The following PRKCH variants were observed in gnomAD, a reference collection of about 807,000 sequenced individuals.
PRKCH encodes protein kinase C eta, also known as protein kinase C eta type.
Under a neutral mutation model 82.5 loss-of-function variants are expected in PRKCH, and 28 were observed. That is an observed-to-expected ratio of 0.34 (90% CI 0.25 to 0.47). PRKCH has a LOEUF of 0.47. Among genes scored for constraint, PRKCH ranks in the 20% least tolerant of loss-of-function variants. The pLI is 1.00. For synonymous variants in PRKCH, 322 were observed against 327.4 expected (o/e 0.98, Z 0.18); for missense variants, 705 against 881.8 (o/e 0.80, Z 2.54).
chr14:61,250,656 C>A (rs1024682770), intron 1 of PRKCH, among the ~76,000 whole-genome samples: 11 of 152,074 alleles, frequency 7.2e-5, no homozygotes, highest in Non-Finnish European at 2.9e-5. Flanking sequence ...CATGATACTG[C>A]AATGGTAGAT....
At chr14:61,361,818 C>A (rs2046228892) in intron 1 of PRKCH, among the ~76,000 whole-genome samples, 1 of 152,176 alleles carries the variant, frequency 6.6e-6, no homozygotes, top group Non-Finnish European at 1.5e-5. Context: ...AATTAATAAA[C>A]ATGCCATATT....
chr14:61,395,033 CT>C (rs2046753049), intron 2 of PRKCH, among the ~76,000 whole-genome samples: 1 of 152,136 alleles, frequency 6.6e-6, no homozygotes, highest in Non-Finnish European at 1.5e-5. Flanking sequence ...TTAAAAGATG[CT>C]GGAAGAGCTG....
intron 1 of PRKCH, among the ~76,000 whole-genome samples, chr14:61,291,136 G>A (rs2045357514): frequency 6.6e-6 from 1 of 152,118 alleles, no homozygotes; most frequent in African/African-American, 2.4e-5. Flanking sequence ...ATAACCAAAT[G>A]TCAGTTTTAT....
At chr14:61,295,005 T>G (rs1451901707) in intron 1 of PRKCH, among the ~76,000 whole-genome samples, 1 of 152,144 alleles carries the variant, frequency 6.6e-6, no homozygotes, top group African/African-American at 2.4e-5. Flanking sequence ...CCCGAGTAGC[T>G]GGGACATGCA....
intron 1 of PRKCH, among the ~76,000 whole-genome samples, chr14:61,210,754 TTCTCTCTCTCTCTCTCTCTCTC>T (rs57385240): frequency 6.9e-6 from 1 of 144,316 alleles, no homozygotes; most frequent in Non-Finnish European, 1.5e-5. Context: ...CAAGAGTCCT[TTCTCTCTCTCTCTCTCTCTCTC>T]TCTCTCTCTC....
At chr14:61,433,591 A>AT (rs939556144) in intron 2 of PRKCH, among the ~76,000 whole-genome samples, 1 of 152,182 alleles carries the variant, frequency 6.6e-6, no homozygotes, top group Non-Finnish European at 1.5e-5. Flanking sequence ...AAATACACAG[A>AT]TTTTAAACAG....
intron 9 of PRKCH, chr14:61,476,585 T>G (rs1340370612): frequency 1.3e-5 from 2 of 152,246 alleles, no homozygotes; most frequent in Admixed American, 1.3e-4. Flanking sequence ...CCTGGTCTAC[T>G]GTATATATGC....
In PRKCH at chr14:61,243,262, G is replaced by A. The variant is rs990538862; in HGVS notation, c.-19+55594G>A. On this transcript the variant is annotated intron_variant, in intron 1 of 3. Coordinates refer to the PRKCH transcript ENST00000555185. Reference sequence around the variant, plus strand: ...ATACAAAAAAAATTCACCAGGTGTGGTTGTGCGCACCTGTAGTCCCAGCTA... The same window carrying A: ...ATACAAAAAAAATTCACCAGGTGTGATTGTGCGCACCTGTAGTCCCAGCTA... Among the ~76,000 whole-genome samples the A allele has an allele frequency of 4.0e-5, 6 of 151,850 alleles. No individual in the cohort carries two copies. In the South Asian group the frequency reaches 1.2e-3, roughly 32 times the overall value.
At chr14:61,273,148 G>C (rs575801583) in intron 1 of PRKCH, among the ~76,000 whole-genome samples, 219 of 152,256 alleles carry the variant, frequency 1.4e-3, no homozygotes, top group African/African-American at 5.1e-3. Flanking sequence ...TGGCCCTTCT[G>C]TGGCAGATCA....
intron 9 of PRKCH, among the ~76,000 whole-genome samples, chr14:61,483,087 G>T (rs1242224476): frequency 6.6e-6 from 1 of 152,198 alleles, no homozygotes; most frequent in Non-Finnish European, 1.5e-5. Flanking sequence ...TGACCTCCTT[G>T]CCCAGAGATG....
chr14:61,498,891 T>C (rs17098579), intron 10 of PRKCH, among the ~76,000 whole-genome samples: 5,833 of 151,958 alleles, frequency 0.038, 375 homozygotes, highest in African/African-American at 0.13. Flanking sequence ...TACACGTGTT[T>C]GGGGTTTTCA....
At chr14:61,510,642 G>C (rs373527895) in intron 10 of PRKCH, among the ~76,000 whole-genome samples, 2 of 152,184 alleles carry the variant, frequency 1.3e-5, no homozygotes, top group East Asian at 3.9e-4. Context: ...CTGGCTCTCC[G>C]GAGAGAGGTG....
At chr14:61,401,931 A>G (rs776324666) in intron 2 of PRKCH, among the ~76,000 whole-genome samples, 3 of 152,218 alleles carry the variant, frequency 2.0e-5, no homozygotes, top group African/African-American at 7.2e-5. Context: ...TTTTTCAGAC[A>G]TTGTCTAAAA....
chr14:61,455,668 A>G (rs1884732426), intron 7 of PRKCH, among the ~76,000 whole-genome samples: 1 of 152,350 alleles, frequency 6.6e-6, no homozygotes, highest in Non-Finnish European at 1.5e-5. Flanking sequence ...AATAAAGATC[A>G]TGCAGCACGA....
intron 1 of PRKCH, among the ~76,000 whole-genome samples, chr14:61,218,343 T>C (rs934166177): frequency 1.3e-5 from 2 of 152,220 alleles, no homozygotes; most frequent in African/African-American, 2.4e-5. Context: ...GGTAAGCTTC[T>C]GGGAAGAAAG....
chr14:61,200,782 A>ATTAC (rs35735584), intron 1 of PRKCH, among the ~76,000 whole-genome samples: 1 of 65,330 alleles, frequency 1.5e-5, no homozygotes, highest in Non-Finnish European at 2.8e-5. Flanking sequence ...CTATTTTATT[A>ATTAC]TTATTATTGT....
chr14:61,353,197 CAT>C (rs1323385828), intron 1 of PRKCH, among the ~76,000 whole-genome samples: 1 of 152,120 alleles, frequency 6.6e-6, no homozygotes, highest in Non-Finnish European at 1.5e-5. Flanking sequence ...GAAAATGAAG[CAT>C]CGAGCACTTA....
chr14:61,207,295 C>A (rs1385445696), intron 1 of PRKCH, among the ~76,000 whole-genome samples: 2 of 151,974 alleles, frequency 1.3e-5, no homozygotes, highest in Non-Finnish European at 2.9e-5. Flanking sequence ...CATGTGGAAC[C>A]CTGTCCCTGT....
chr14:61,462,956 A>G (rs1188418135), intron 9 of PRKCH: 5 of 152,380 alleles, frequency 3.3e-5, no homozygotes, highest in East Asian at 1.9e-4. Context: ...CTGACTCCAT[A>G]TGTTGTCTTA....
Sources: gnomAD v4.1 joint callset for allele counts (sites outside exome capture counted in the v4.1 genomes callset) on GRCh38, gnomAD v4.1.1 for gene constraint, MANE v1.5 for transcripts, NCBI Gene and HGNC (gene_info 2026-07-23, HGNC 2026-07-21) for gene names.